The following FNBP4 variants were observed in gnomAD, a reference collection of about 807,000 sequenced individuals.
The protein encoded by FNBP4 is formin-binding protein 4.
Under a neutral mutation model 119.3 loss-of-function variants are expected in FNBP4, and 34 were observed. The observed-to-expected ratio is 0.28, with a 90% confidence interval of 0.22 to 0.38. The LOEUF is 0.38. FNBP4 is among the 10% of genes least tolerant of loss of function. FNBP4 has a pLI of 1.00. For synonymous variants in FNBP4, 462 were observed against 430.6 expected, an observed-to-expected ratio of 1.07 and a Z score of -0.90; for missense variants, 1,112 against 1,228.9, an observed-to-expected ratio of 0.90 and a Z score of 1.42.
intron 6 of FNBP4, among the ~76,000 whole-genome samples, chr11:47,749,146 C>A (rs1308404068): frequency 3.3e-5 from 5 of 152,048 alleles, no homozygotes; most frequent in African/African-American, 1.2e-4. Flanking sequence ...TGGTGGTGCA[C>A]ACCTGTAGTC....
At chr11:47,717,978 C>A (rs1400751121) in intron 16 of FNBP4, among the ~76,000 whole-genome samples, 1 of 151,620 alleles carries the variant, frequency 6.6e-6, no homozygotes, top group African/African-American at 2.4e-5. Context: ...TGGTCTCGAA[C>A]TCCCAACCTC....
rs1160814179 is a variant in FNBP4, at chr11:47,752,959, T to C, written c.594A>G (p.Gln198=). The C allele has an allele frequency of 2.9e-5, 46 of 1,613,780 alleles. No individual in the cohort carries two copies. The highest frequency in any genetic ancestry group is 3.6e-5 in the Non-Finnish European group (43 of 1,179,878). Residue 198 remains glutamine (Q), a synonymous_variant, in exon 4 of 17, where the codon CAA becomes CAG. Coordinates refer to ENST00000263773, the MANE Select transcript of FNBP4 (RefSeq NM_015308.5). ...SSTSNGTDST[Q]TSGWQYDTQC... Reference sequence around the variant, plus strand: ...GAGTATCATATTGCCAACCAGATGTTTGGGTGGAGTCTGTTCCATTTGAAG... The same window carrying C: ...GAGTATCATATTGCCAACCAGATGTCTGGGTGGAGTCTGTTCCATTTGAAG...
intron 12 of FNBP4, among the ~76,000 whole-genome samples, chr11:47,728,193 G>A (rs932795787): frequency 2.0e-5 from 3 of 151,372 alleles, no homozygotes; most frequent in Non-Finnish European, 4.4e-5. Context: ...CTTTTATTAC[G>A]TGCTCAAAGA....
intron 7 of FNBP4, among the ~76,000 whole-genome samples, chr11:47,745,324 C>A (rs1170018552): frequency 6.6e-6 from 1 of 152,116 alleles, no homozygotes; most frequent in Admixed American, 6.6e-5. Context: ...TCGCTAAATT[C>A]TTTTCCTAGC....
intron 16 of FNBP4, among the ~76,000 whole-genome samples, chr11:47,719,565 GTTA>G (rs1285608427): frequency 1.5e-5 from 2 of 134,054 alleles, no homozygotes; most frequent in African/African-American, 5.6e-5. Flanking sequence ...AAGTTAATAT[GTTA>G]TGTGTGTATG....
rs149886733 is a variant in FNBP4, at chr11:47,741,708, C to T, written c.1456+2245G>A. Among the ~76,000 whole-genome samples the T allele has an allele frequency of 6.1e-3, 923 of 152,086 alleles. 9 individuals are homozygous for T. The highest frequency in any genetic ancestry group is 0.021 in the African/African-American group (887 of 41,460). On this transcript the variant is annotated intron_variant, in intron 8 of 16. Coordinates refer to ENST00000263773, the MANE Select transcript of FNBP4 (RefSeq NM_015308.5). ...GCAGGCGCCTGTAATCCCAGCTACT[C>T]GGGCGGCTGAGGCCGGGGAATCGCT...
At position 47,723,247 on chromosome 11, in the gene FNBP4, G is replaced by A; in HGVS notation, c.2534C>T (p.Pro845Leu). 1 of 1,614,140 alleles carries A rather than the reference G, an allele frequency of 6.2e-7. No individual in the cohort carries two copies. The highest frequency in any genetic ancestry group is 8.5e-7 in the Non-Finnish European group (1 of 1,180,034). Residue 845 changes from proline (P) to leucine (L), a missense_variant, in exon 15 of 17, where the codon CCA becomes CTA. Physicochemically the swap from Pro to Leu is moderately conservative, Grantham distance 98 (BLOSUM62 -3). Around this residue, in one of 2 missense-constraint regions of FNBP4, gnomAD observed 826 missense variants for 988.8 expected, o/e 0.84. Coordinates refer to ENST00000263773, the MANE Select transcript of FNBP4 (RefSeq NM_015308.5). The part of the protein sequence containing the change: ...IGHQTIPVSL[P>L]AAGMGHQARG... ...GGCCTGATGACCCATTCCTGCTGCT[G>A]GAAGGCTAACTGGTATTGTCTGATG... is the stretch of plus-strand genomic sequence containing the variant.
At position 47,734,017 on chromosome 11, in the gene FNBP4, A is replaced by G; in HGVS notation, c.1686+8T>C. 7.1e-7 allele frequency: 1 copy of G among 1,412,136 alleles called. No individual in the cohort carries two copies. Among genetic ancestry groups the G allele is most frequent in the Non-Finnish European group, 9.5e-7 (1 of 1,049,434 alleles). 87.5% of individuals were successfully genotyped at this position (1,412,136 alleles called of 1,614,324 possible). ...GTTTATGCCAAAAAAAAAAAAAAAA[A>G]GACTTACCTCAGTCTGTAAGAGCAG... On this transcript the variant is annotated splice_region_variant and intron_variant, in intron 10 of 16. Coordinates refer to ENST00000263773, the MANE Select transcript of FNBP4 (RefSeq NM_015308.5).
At chr11:47,743,398 G>A (rs938742795) in intron 8 of FNBP4, among the ~76,000 whole-genome samples, 3 of 152,020 alleles carry the variant, frequency 2.0e-5, no homozygotes, top group Admixed American at 1.3e-4. Flanking sequence ...TAAGAGAATT[G>A]CTTGAATCTG....
Position 47,767,184 on chromosome 11 carries a change from G to A in FNBP4, c.105C>T (p.Pro35=). ...CCGCGGTTGAGTCCGGCTCAGTGTC[G>A]GGTTCCGGCTCCGGGTCCCGGCCCG... The part of the protein sequence containing the change: ...STPGRDPEPE[P]DTEPDSTAAV... Residue 35 remains proline (P), a synonymous_variant, in exon 1 of 17, where the codon CCC becomes CCT. Coordinates refer to ENST00000263773, the MANE Select transcript of FNBP4 (RefSeq NM_015308.5). 1.3e-6 allele frequency: 2 copies of A among 1,560,286 alleles called. No homozygotes were observed. Among genetic ancestry groups the A allele is most frequent in the South Asian group, 1.2e-5 (1 of 85,306 alleles).
chr11:47,764,420 G>A (rs1418702499), intron 2 of FNBP4, among the ~76,000 whole-genome samples: 1 of 152,154 alleles, frequency 6.6e-6, no homozygotes, highest in South Asian at 2.1e-4. Flanking sequence ...AGTCTCAAAT[G>A]AAATAACATA....
chr11:47,727,352 C>T (rs772688895), intron 12 of FNBP4, among the ~76,000 whole-genome samples: 1 of 150,572 alleles, frequency 6.6e-6, no homozygotes, highest in Non-Finnish European at 1.5e-5. Flanking sequence ...CAGGTTCAAG[C>T]GATTCTCCTG....
intron 4 of FNBP4, among the ~76,000 whole-genome samples, chr11:47,752,335 G>T (rs2097605643): frequency 6.6e-6 from 1 of 150,524 alleles, no homozygotes; most frequent in South Asian, 2.1e-4. Context: ...TGAGGCAGAA[G>T]AATTGGTTGA....
chr11:47,765,210 C>T (rs1175223348), intron 2 of FNBP4, 60 bp downstream of exon 2: 12 of 1,124,926 alleles, frequency 1.1e-5, no homozygotes, highest in Admixed American at 2.0e-5. Flanking sequence ...TGTACAAACC[C>T]AACTTGACTT....
At chr11:47,717,738 ATATT>A (rs1441400850) in intron 16 of FNBP4, among the ~76,000 whole-genome samples, 3 of 151,994 alleles carry the variant, frequency 2.0e-5, no homozygotes, top group African/African-American at 4.8e-5. Flanking sequence ...GTCTAAGTGC[ATATT>A]TATTTATTTA....
intron 2 of FNBP4, among the ~76,000 whole-genome samples, chr11:47,764,519 T>C (rs1398362979): frequency 6.6e-6 from 1 of 151,884 alleles, no homozygotes; most frequent in Admixed American, 6.6e-5. Flanking sequence ...CTGGGGTGTT[T>C]TGTTTGTTTT....
rs981723347 is a variant in FNBP4, at chr11:47,742,352, G to A, written c.1456+1601C>T. Among the ~76,000 whole-genome samples the A allele has an allele frequency of 4.0e-5, 6 of 151,058 alleles. No homozygotes were observed. In the East Asian group the frequency reaches 5.8e-4, roughly 15 times the overall value. Reference sequence around the variant, plus strand: ...AAACTAGCTGGGCATGGTAGCAGGCGCCTGTAATCCCAGCTACTCAGGAGG... The same window carrying A: ...AAACTAGCTGGGCATGGTAGCAGGCACCTGTAATCCCAGCTACTCAGGAGG... On this transcript the variant is annotated intron_variant, in intron 8 of 16. Transcript: ENST00000263773.
intron 2 of FNBP4, among the ~76,000 whole-genome samples, chr11:47,761,900 G>A (rs1194504372): frequency 2.6e-5 from 4 of 151,762 alleles, no homozygotes; most frequent in African/African-American, 4.8e-5. Flanking sequence ...GTGCAATGGC[G>A]TGATCTTGGC....
intron 2 of FNBP4, among the ~76,000 whole-genome samples, chr11:47,760,854 C>A (rs964165879): frequency 6.6e-6 from 1 of 152,100 alleles, no homozygotes; most frequent in Non-Finnish European, 1.5e-5. Flanking sequence ...CCACAGTGAC[C>A]GCCTAGATTC....
Sources: allele counts gnomAD v4.1 joint callset (sites outside exome capture counted in the v4.1 genomes callset), GRCh38; gene constraint gnomAD v4.1.1; regional missense constraint gnomAD v4.1.1; transcripts MANE v1.5; gene names NCBI Gene and HGNC (gene_info 2026-07-23, HGNC 2026-07-21).